Variants in SGCZ observed in about 807,000 individuals in gnomAD.
SGCZ encodes zeta-sarcoglycan.
In SGCZ, 40 loss-of-function variants were observed where a neutral mutation model predicts 41.3. The ratio of observed to expected loss-of-function variants is 0.97; its 90% CI spans 0.75 to 1.26. The LOEUF (loss-of-function observed/expected upper bound fraction) is 1.26. Among genes scored for constraint, SGCZ ranks in the 50% most tolerant of loss-of-function variants. SGCZ has a pLI of 0.00. For synonymous variants in SGCZ, 206 were observed against 137.5 expected, an observed-to-expected ratio of 1.50 and a Z score of -3.49; for missense variants, 552 against 369.8, an observed-to-expected ratio of 1.49 and a Z score of -4.04.
At chr8:14,533,494 G>A in intron 2 of SGCZ, among the ~76,000 whole-genome samples, 1 of 151,898 alleles carries the variant, frequency 6.6e-6, no homozygotes, top group East Asian at 1.9e-4. Flanking sequence ...AACATTACTA[G>A]ATTTACATTA....
chr8:14,363,973 T>C (rs1010755591), intron 2 of SGCZ, among the ~76,000 whole-genome samples: 4 of 152,142 alleles, frequency 2.6e-5, no homozygotes, highest in African/African-American at 9.6e-5. Context: ...AGAAGTAACA[T>C]ACTCCCACTC....
intron 1 of SGCZ, among the ~76,000 whole-genome samples, chr8:15,230,517 A>G (rs1563197068): frequency 6.6e-6 from 1 of 152,216 alleles, no homozygotes. Flanking sequence ...TCTTGTTTTG[A>G]TGTTCAAATG....
intron 2 of SGCZ, among the ~76,000 whole-genome samples, chr8:14,397,850 C>T (rs1475961234): frequency 6.6e-6 from 1 of 152,122 alleles, no homozygotes; most frequent in African/African-American, 2.4e-5. Context: ...ATTGTCAACC[C>T]TGAGCAGAGC....
At chr8:14,218,955 G>A (rs1806094918) in intron 4 of SGCZ, among the ~76,000 whole-genome samples, 1 of 152,210 alleles carries the variant, frequency 6.6e-6, no homozygotes, top group Non-Finnish European at 1.5e-5. Context: ...CGGAGAAATT[G>A]CCAAAGAACT....
chr8:14,864,278 T>C (rs1209033735), intron 1 of SGCZ, among the ~76,000 whole-genome samples: 2 of 152,158 alleles, frequency 1.3e-5, no homozygotes, highest in African/African-American at 4.8e-5. Flanking sequence ...TGTTCATTTG[T>C]ATAAACAAAT....
intron 1 of SGCZ, among the ~76,000 whole-genome samples, chr8:15,236,353 G>A (rs761850083): frequency 1.5e-4 from 23 of 151,998 alleles, no homozygotes; most frequent in Non-Finnish European, 3.1e-4. Flanking sequence ...GCTCTGCAGG[G>A]GATTTTGCAG....
At chr8:14,854,001 T>C (rs1410012417) in intron 1 of SGCZ, among the ~76,000 whole-genome samples, 1 of 140,574 alleles carries the variant, frequency 7.1e-6, no homozygotes, top group African/African-American at 2.6e-5. Flanking sequence ...TGTAACGACA[T>C]CAGTTTCTAT....
chr8:14,911,348 G>A (rs546552485), intron 1 of SGCZ, among the ~76,000 whole-genome samples: 2 of 152,060 alleles, frequency 1.3e-5, no homozygotes, highest in African/African-American at 4.8e-5. Context: ...GGAATACGCA[G>A]ACACCAATGC....
intron 4 of SGCZ, among the ~76,000 whole-genome samples, chr8:14,189,331 TC>T (rs1489052503): frequency 6.6e-6 from 1 of 152,204 alleles, no homozygotes; most frequent in Non-Finnish European, 1.5e-5. Flanking sequence ...GTAAGCCTTT[TC>T]GTTTCAAATC....
chr8:14,270,548 TC>T lies in SGCZ; in HGVS notation c.337-32870del, dbSNP rs551244822. Among the ~76,000 whole-genome samples the T allele has an allele frequency of 1.7e-3, 258 of 152,214 alleles. 1 individual carries two copies. Among genetic ancestry groups the T allele is most frequent in the African/African-American group, 5.6e-3 (234 of 41,526 alleles). On this transcript the variant is annotated intron_variant, in intron 3 of 7. Transcript: ENST00000382080. Reference sequence around the variant, plus strand: ...AAGTATAAAACAATATTTCCAATTATCCCTTTACTTATTCCCTGAAGGGATT... The same window carrying T: ...AAGTATAAAACAATATTTCCAATTATCCTTTACTTATTCCCTGAAGGGATT...
intron 1 of SGCZ, among the ~76,000 whole-genome samples, chr8:14,785,108 T>C (rs981996979): frequency 2.0e-5 from 3 of 150,736 alleles, no homozygotes; most frequent in African/African-American, 7.3e-5. Context: ...GTCATTGTTT[T>C]TAGTGATTTT....
Position 14,482,005 on chromosome 8 carries a change from G to C in SGCZ, c.234+72727C>G, listed in dbSNP as rs537247221. Reference sequence around the variant, plus strand: ...CACCATTGACAGCAGAACCCAGACAGAGCTTGGAGAAATCCCTGAGTTAAA... The same window carrying C: ...CACCATTGACAGCAGAACCCAGACACAGCTTGGAGAAATCCCTGAGTTAAA... On this transcript the variant is annotated intron_variant, in intron 2 of 7. Transcript: ENST00000382080. 2.1e-4 allele frequency among the ~76,000 whole-genome samples: 32 copies of C among 152,306 alleles called. 3 individuals are homozygous for C. In the Middle Eastern group the frequency reaches 0.031, roughly 146 times the overall value.
At chr8:14,738,007 C>T (rs1799096362) in intron 1 of SGCZ, among the ~76,000 whole-genome samples, 1 of 151,904 alleles carries the variant, frequency 6.6e-6, no homozygotes, top group Non-Finnish European at 1.5e-5. Flanking sequence ...AATAATGATC[C>T]CAAGTTCACA....
At chr8:15,028,996 T>C (rs906334824) in intron 1 of SGCZ, among the ~76,000 whole-genome samples, 3 of 152,086 alleles carry the variant, frequency 2.0e-5, no homozygotes, top group African/African-American at 7.2e-5. Flanking sequence ...ACTGATGAAC[T>C]AAAAGTCACC....
At chr8:14,519,860 T>C (rs527259953) in intron 2 of SGCZ, among the ~76,000 whole-genome samples, 4 of 152,310 alleles carry the variant, frequency 2.6e-5, no homozygotes, top group South Asian at 2.1e-4. Context: ...TTTGTGCTTC[T>C]ACTTGTGTGT....
chr8:14,144,658 T>C lies in SGCZ; in HGVS notation c.547+19922A>G, dbSNP rs538039345. On this transcript the variant is annotated intron_variant, in intron 5 of 7. Transcript: ENST00000382080. ...AAGTATCAGCATTGCCACATGGGTG[T>C]AGAGCACCAAGCAGGCTCCTGGAGT... Among the ~76,000 whole-genome samples, 198 of 152,230 alleles carry C rather than the reference T, an allele frequency of 1.3e-3. 1 individual carries two copies. The highest frequency in any genetic ancestry group is 4.6e-3 in the African/African-American group (189 of 41,538).
At chr8:14,914,528 G>C (rs903026362) in intron 1 of SGCZ, among the ~76,000 whole-genome samples, 11 of 144,888 alleles carry the variant, frequency 7.6e-5, no homozygotes, top group East Asian at 4.0e-4. Flanking sequence ...GTAAGAGACA[G>C]TGAAAAAAAA....
chr8:14,567,753 C>G (rs1804419319), intron 1 of SGCZ, among the ~76,000 whole-genome samples: 1 of 152,076 alleles, frequency 6.6e-6, no homozygotes, highest in Admixed American at 6.5e-5. Flanking sequence ...TGCAGCTTCA[C>G]TCCTGAAACC....
chr8:14,151,572 T>C (rs1803710799), intron 5 of SGCZ, among the ~76,000 whole-genome samples: 1 of 152,054 alleles, frequency 6.6e-6, no homozygotes, highest in Admixed American at 6.6e-5. Context: ...AGAATATAAA[T>C]ACATATTCTA....
Sources: allele counts gnomAD v4.1 joint callset (sites outside exome capture counted in the v4.1 genomes callset), GRCh38; gene constraint gnomAD v4.1.1; transcripts MANE v1.5; gene names NCBI Gene and HGNC (gene_info 2026-07-23, HGNC 2026-07-21).